The following LDAH variants were observed in gnomAD, a reference collection of about 807,000 sequenced individuals.
The protein encoded by LDAH is lipid droplet-associated hydrolase.
A neutral mutation model predicts 29.6 loss-of-function variants in LDAH; 26 were observed. The ratio of observed to expected loss-of-function variants is 0.88; its 90% confidence interval spans 0.64 to 1.22. The LOEUF (loss-of-function observed/expected upper bound fraction) is 1.22, where lower values mean the gene tolerates loss of function less well. Ranked by LOEUF, LDAH falls within the 50% of genes most tolerant of loss-of-function variation. LDAH has a pLI of 0.00. For synonymous variants in LDAH, 117 were observed against 133.0 expected, an observed-to-expected ratio of 0.88 and a Z score of 0.83; for missense variants, 344 against 387.3, an observed-to-expected ratio of 0.89 and a Z score of 0.94.
chr2:20,755,707 C>A lies in LDAH; in HGVS notation c.469-15502G>T, dbSNP rs537201025. On this transcript the variant is annotated intron_variant, in intron 4 of 6. Transcript: ENST00000237822. ...GAAATAGAAGAAAGAGGCTCCTGAT[C>A]TGGAGACACAGGGCACAGAAAAAGG... Among the ~76,000 whole-genome samples the A allele has an allele frequency of 4.6e-5, 7 of 152,244 alleles. No individual in the cohort carries two copies. The East Asian group carries it at 1.4e-3, about 29-fold the overall frequency.
intron 2 of LDAH, among the ~76,000 whole-genome samples, chr2:20,798,286 A>G (rs1371960140): frequency 6.6e-6 from 1 of 152,186 alleles, no homozygotes; most frequent in East Asian, 1.9e-4. Flanking sequence ...AGAAAGTGAC[A>G]GAAGTCCCCA....
intron 4 of LDAH, among the ~76,000 whole-genome samples, chr2:20,746,320 T>A (rs189764382): frequency 7.8e-4 from 119 of 152,294 alleles, no homozygotes; most frequent in African/African-American, 2.8e-3. Flanking sequence ...CAAAACTGCA[T>A]GTAAGGGAAA....
intron 2 of LDAH, among the ~76,000 whole-genome samples, chr2:20,791,768 T>G (rs62123877): frequency 0.017 from 2,534 of 152,316 alleles, 51 homozygotes; most frequent in Non-Finnish European, 0.021. Context: ...TTTAGAATAC[T>G]TTTTAGTATA....
chr2:20,741,627 C>G (rs1431490017), intron 4 of LDAH, among the ~76,000 whole-genome samples: 1 of 152,162 alleles, frequency 6.6e-6, no homozygotes, highest in East Asian at 1.9e-4. Flanking sequence ...CTCATTCTCC[C>G]ACTGCCCACC....
At chr2:20,773,770 C>T (rs778284396) in intron 4 of LDAH, among the ~76,000 whole-genome samples, 12 of 152,114 alleles carry the variant, frequency 7.9e-5, no homozygotes, top group Non-Finnish European at 1.6e-4. Context: ...AGAAAAGGAG[C>T]GAGTGCTTAG....
chr2:20,743,684 T>C (rs186228470), intron 4 of LDAH, among the ~76,000 whole-genome samples: 168 of 152,268 alleles, frequency 1.1e-3, no homozygotes, highest in African/African-American at 3.7e-3. Flanking sequence ...CTTTTCTTTA[T>C]GGAGATCTGA....
chr2:20,758,043 G>C (rs942703725), intron 4 of LDAH, among the ~76,000 whole-genome samples: 1 of 152,124 alleles, frequency 6.6e-6, no homozygotes, highest in African/African-American at 2.4e-5. Context: ...ACATCCCATT[G>C]GTTGTTTCTC....
Position 20,686,783 on chromosome 2 carries a change from CA to C in LDAH, c.*119del. On this transcript the variant is annotated 3_prime_UTR_variant, in exon 7 of 7. Transcript: ENST00000237822. The stretch of plus-strand genomic sequence containing the variant: ...GCGAGCGGAGAGTTGGTTTGTAAGA[CA>C]AAGGTTCTCACTTTCTTCATTTCTA... 1.1e-6 allele frequency: 1 copy of C among 928,566 alleles called. No individual in the cohort carries two copies. The highest frequency in any genetic ancestry group is 1.7e-5 in the African/African-American group (1 of 59,494). 57.5% of individuals were successfully genotyped at this position (928,566 alleles called of 1,614,324 possible). A position where few individuals can be genotyped will look rare whatever the true frequency, so the allele number is the denominator to read the frequency against.
At chr2:20,767,415 G>A (rs768409427) in intron 4 of LDAH, among the ~76,000 whole-genome samples, 6 of 152,326 alleles carry the variant, frequency 3.9e-5, no homozygotes, top group South Asian at 2.1e-4. Flanking sequence ...GTCACAGCCC[G>A]GCTGGGTGTG....
intron 4 of LDAH, among the ~76,000 whole-genome samples, chr2:20,756,227 G>T (rs909295231): frequency 1.3e-5 from 2 of 151,954 alleles, no homozygotes; most frequent in Non-Finnish European, 2.9e-5. Flanking sequence ...TAGAGACGGG[G>T]TTTCACCATA....
chr2:20,750,549 T>C (rs1318076092), intron 4 of LDAH, among the ~76,000 whole-genome samples: 1 of 152,254 alleles, frequency 6.6e-6, no homozygotes, highest in Non-Finnish European at 1.5e-5. Flanking sequence ...TCAATGGCTC[T>C]AGACAGTTGT....
In LDAH at chr2:20,710,516, T is replaced by C. The variant is rs530549618; in HGVS notation, c.704-8864A>G. Among the ~76,000 whole-genome samples the C allele has an allele frequency of 2.0e-4, 30 of 150,964 alleles. No individual in the cohort carries two copies. In the South Asian group the frequency reaches 2.5e-3, roughly 13 times the overall value. On this transcript the variant is annotated intron_variant, in intron 5 of 6. Transcript: ENST00000237822. ...TCAATGAACAATTAAGGAAGAAATA[T>C]TGATTCTACATAAACTCTTCCCAGA...
At chr2:20,734,420 T>C (rs1290279847) in intron 5 of LDAH, among the ~76,000 whole-genome samples, 2 of 152,214 alleles carry the variant, frequency 1.3e-5, no homozygotes, top group Admixed American at 6.5e-5. Flanking sequence ...CATCTATCCA[T>C]GGTGATTTTG....
At chr2:20,803,909 TTC>T (rs1163575055) in intron 1 of LDAH, among the ~76,000 whole-genome samples, 6 of 152,336 alleles carry the variant, frequency 3.9e-5, no homozygotes, top group Middle Eastern at 3.4e-3. Flanking sequence ...GGCTTCTGTC[TTC>T]TGATTTGATC....
At chr2:20,758,094 G>A (rs1047355215) in intron 4 of LDAH, among the ~76,000 whole-genome samples, 1 of 152,130 alleles carries the variant, frequency 6.6e-6, no homozygotes, top group African/African-American at 2.4e-5. Context: ...GGATAGACAA[G>A]ATAATATAAC....
chr2:20,729,780 T>A (rs1666267847), intron 5 of LDAH, among the ~76,000 whole-genome samples: 1 of 152,204 alleles, frequency 6.6e-6, no homozygotes. Context: ...AGTATAATGT[T>A]ACAGCCAGGA....
At chr2:20,733,643 A>G (rs1666574434) in intron 5 of LDAH, among the ~76,000 whole-genome samples, 1 of 151,986 alleles carries the variant, frequency 6.6e-6, no homozygotes, top group African/African-American at 2.4e-5. Context: ...GACTCAAGTG[A>G]TCTGCCTACC....
intron 1 of LDAH, among the ~76,000 whole-genome samples, chr2:20,812,988 G>C (rs1672602396): frequency 6.6e-6 from 1 of 152,162 alleles, no homozygotes; most frequent in Non-Finnish European, 1.5e-5. Flanking sequence ...TACGCAATTT[G>C]CCTAAGTCAC....
At chr2:20,755,121 GTC>G (rs1263720037) in intron 4 of LDAH, among the ~76,000 whole-genome samples, 2 of 86,950 alleles carry the variant, frequency 2.3e-5, no homozygotes, top group African/African-American at 5.1e-5. Context: ...AATATTGTGT[GTC>G]TGTGTTTGTG....
Sources: gnomAD v4.1 joint callset for allele counts (sites outside exome capture counted in the v4.1 genomes callset) on GRCh38, gnomAD v4.1.1 for gene constraint, MANE v1.5 for transcripts, NCBI Gene and HGNC (gene_info 2026-07-23, HGNC 2026-07-21) for gene names.